The following ANK2 variants were observed in gnomAD, a reference collection of about 807,000 sequenced individuals.
The protein encoded by ANK2 is ankyrin 2.
Under a neutral mutation model 360.5 loss-of-function variants are expected in ANK2, and 83 were observed. The ratio of observed to expected loss-of-function variants is 0.23; its 90% CI spans 0.19 to 0.28. The LOEUF (loss-of-function observed/expected upper bound fraction) is 0.28, where lower values mean the gene tolerates loss of function less well. ANK2 is among the 10% of genes least tolerant of loss of function. The pLI is 1.00. For synonymous variants in ANK2, 1,740 were observed against 1,759.5 expected, an observed-to-expected ratio of 0.99 and a Z score of 0.28; for missense variants, 4,201 against 4,795.7, an observed-to-expected ratio of 0.88 and a Z score of 3.66.
chr4:113,073,814 C>T (rs914474611), intron 1 of ANK2, among the ~76,000 whole-genome samples: 5 of 152,176 alleles, frequency 3.3e-5, no homozygotes, highest in Non-Finnish European at 5.9e-5. Context: ...GCCGCCTCTA[C>T]GCAGCATGCT....
intron 1 of ANK2, among the ~76,000 whole-genome samples, chr4:112,857,433 G>T (rs2150053187): frequency 6.6e-6 from 1 of 152,082 alleles, no homozygotes; most frequent in South Asian, 2.1e-4. Context: ...TCTTTTAATG[G>T]CCCTAGCACC....
At chr4:113,045,285 G>A (rs1265598704), upstream of ANK2, among the ~76,000 whole-genome samples, 1 of 152,066 alleles carries the variant, frequency 6.6e-6, no homozygotes, top group Non-Finnish European at 1.5e-5. Flanking sequence ...CACCAATAAA[G>A]ACATCTTCAT....
At chr4:113,072,113 G>C (rs995103829) in intron 1 of ANK2, among the ~76,000 whole-genome samples, 1 of 152,140 alleles carries the variant, frequency 6.6e-6, no homozygotes, top group African/African-American at 2.4e-5. Context: ...ATTTGGATGG[G>C]GAGACAGCCA....
chr4:112,904,311 C>A (rs1482860387), intron 1 of ANK2: 2 of 458,148 alleles, frequency 4.4e-6, no homozygotes, highest in African/African-American at 4.1e-5. Context: ...TGCTCTTTTG[C>A]ATTTATAATA....
chr4:113,274,517 A>C lies in ANK2; in HGVS notation c.1551A>C (p.Leu517=), dbSNP rs776388725. Residue 517 remains leucine, a synonymous_variant, in exon 15 of 46, where the codon CTA becomes CTC. Transcript: ENST00000357077. The part of the protein sequence containing the change: ...LGKTEIVQLL[L]QHMAHPDAAT... ...AGACAGAAATTGTCCAGCTGCTTCT[A>C]CAACATATGGCTCATCCAGATGCGG... is the stretch of plus-strand genomic sequence containing the variant. 1 of 1,614,228 alleles carries C rather than the reference A, an allele frequency of 6.2e-7. No individual in the cohort carries two copies. Among genetic ancestry groups the C allele is most frequent in the Non-Finnish European group, 8.5e-7 (1 of 1,180,044 alleles).
In ANK2 at chr4:113,381,549, C is replaced by G; in HGVS notation, c.*78C>G. The G allele has an allele frequency of 6.2e-7, 1 of 1,612,798 alleles. No individual in the cohort carries two copies. The highest frequency in any genetic ancestry group is 8.5e-7 in the Non-Finnish European group (1 of 1,179,396). On this transcript the variant is annotated 3_prime_UTR_variant, in exon 46 of 46. Transcript: ENST00000357077. The stretch of plus-strand genomic sequence containing the variant: ...GACTTGGAGCACCTGGAGGATGTAC[C>G]AGAAGCACTAGACCAGGACGACCTC...
chr4:113,063,165 C>T (rs1475032584), intron 1 of ANK2, among the ~76,000 whole-genome samples: 3 of 147,754 alleles, frequency 2.0e-5, no homozygotes, highest in Non-Finnish European at 4.6e-5. Flanking sequence ...TGTATTTGAG[C>T]CAAATATTCT....
chr4:113,034,859 A>G (rs1230612317), intron 2 of ANK2: 1 of 151,970 alleles, frequency 6.6e-6, no homozygotes, highest in African/African-American at 2.4e-5. Flanking sequence ...ATTATTTTCC[A>G]TTAGATGTAA....
intron 1 of ANK2, among the ~76,000 whole-genome samples, chr4:113,060,583 T>TTTTACACAATTAAA (rs1314352382): frequency 6.6e-6 from 1 of 151,728 alleles, no homozygotes; most frequent in East Asian, 1.9e-4. Flanking sequence ...TCAAATAGGA[T>TTTTACACAATTAAA]TAAGAATTAA....
chr4:113,381,446 C>T lies in ANK2; in HGVS notation c.11860-11C>T, dbSNP rs1389888993. ...AAAGAGCGTAATTCTCTCTTGTCTG[C>T]TTTTCTCCAGGACAACAATGAGTAA... is the stretch of plus-strand genomic sequence containing the variant. On this transcript the variant is annotated splice_polypyrimidine_tract_variant and intron_variant, in intron 45 of 45. Transcript: ENST00000357077. The T allele has an allele frequency of 8.1e-6, 13 of 1,614,108 alleles. No homozygotes were observed. Among genetic ancestry groups the T allele is most frequent in the Non-Finnish European group, 1.1e-5 (13 of 1,180,002 alleles).
At chr4:112,769,141 C>T in the ANK2 span, among the ~76,000 whole-genome samples, 10 of 152,274 alleles carry the variant, frequency 6.6e-5, no homozygotes, top group African/African-American at 2.4e-4. Flanking sequence ...CTGGTTTCTT[C>T]TTCATATGTC....
intron 1 of ANK2, chr4:112,882,098 T>C: frequency 3.1e-6 from 1 of 324,288 alleles, no homozygotes; most frequent in East Asian, 6.2e-5. Context: ...AGCCCTCCCA[T>C]GAAGAGCTTC....
chr4:112,971,308 C>T (rs2039429620), intron 2 of ANK2, among the ~76,000 whole-genome samples: 1 of 152,186 alleles, frequency 6.6e-6, no homozygotes, highest in Non-Finnish European at 1.5e-5. Flanking sequence ...CGCATTTCTA[C>T]TGCAAAAAAT....
At chr4:113,019,601 A>G (rs1241738710) in intron 2 of ANK2, among the ~76,000 whole-genome samples, 1 of 152,218 alleles carries the variant, frequency 6.6e-6, no homozygotes, top group African/African-American at 2.4e-5. Context: ...ATTTATGAAC[A>G]CAGATTAACA....
At chr4:112,985,840 T>G (rs948845463) in intron 2 of ANK2, among the ~76,000 whole-genome samples, 1 of 151,586 alleles carries the variant, frequency 6.6e-6, no homozygotes, top group Non-Finnish European at 1.5e-5. Context: ...GAGGAAAGGG[T>G]GAGATGGGGG....
At chr4:113,240,792 C>T (rs2039374677) in intron 8 of ANK2, among the ~76,000 whole-genome samples, 1 of 152,034 alleles carries the variant, frequency 6.6e-6, no homozygotes, top group African/African-American at 2.4e-5. Flanking sequence ...TAAACTCATG[C>T]AAAAATTATT....
Position 112,984,305 on chromosome 4 carries a change from A to T in ANK2, c.21+79791A>T, listed in dbSNP as rs951489349. ...TGAGACTGGGCAATTTACAAAAGAA[A>T]GGTTTAATGGATTTACAGTTCCACA... On this transcript the variant is annotated intron_variant, in intron 2 of 30. Coordinates refer to the ANK2 transcript ENST00000503271. 1.3e-4 allele frequency among the ~76,000 whole-genome samples: 20 copies of T among 152,330 alleles called. No homozygotes were observed. The East Asian group carries it at 3.7e-3, about 28-fold the overall frequency.
chr4:112,781,694 A>T, the ANK2 span, among the ~76,000 whole-genome samples: 8 of 152,286 alleles, frequency 5.3e-5, no homozygotes, highest in East Asian at 9.6e-4. Flanking sequence ...ATAAAAATTC[A>T]TCAAGCTGTC....
intron 1 of ANK2, among the ~76,000 whole-genome samples, chr4:112,842,425 C>T (rs1454007960): frequency 6.6e-6 from 1 of 152,158 alleles, no homozygotes; most frequent in African/African-American, 2.4e-5. Context: ...AAGAGTTATT[C>T]CTTTACCTTA....
Sources: gnomAD v4.1 joint callset for allele counts (sites outside exome capture counted in the v4.1 genomes callset) on GRCh38, gnomAD v4.1.1 for gene constraint, MANE v1.5 for transcripts, NCBI Gene and HGNC (gene_info 2026-07-23, HGNC 2026-07-21) for gene names.